Variants in ELAPOR1 observed in about 807,000 individuals in gnomAD.
ELAPOR1 encodes endosome-lysosome associated apoptosis and autophagy regulator 1, also known as endosome/lysosome-associated apoptosis and autophagy regulator 1.
A neutral mutation model predicts 119.7 loss-of-function variants in ELAPOR1; 77 were observed. The observed-to-expected ratio is 0.64, with a 90% CI of 0.54 to 0.78. The LOEUF is 0.78. Ranked by LOEUF, ELAPOR1 falls within the 30% of genes least tolerant of loss-of-function variation. The pLI is 0.00. For synonymous variants in ELAPOR1, 481 were observed against 487.2 expected, an observed-to-expected ratio of 0.99 and a Z score of 0.17; for missense variants, 1,115 against 1,270.4, an observed-to-expected ratio of 0.88 and a Z score of 1.86.
intron 1 of ELAPOR1, among the ~76,000 whole-genome samples, chr1:109,148,227 C>T (rs1417047827): frequency 9.0e-6 from 1 of 111,256 alleles, no homozygotes; most frequent in Admixed American, 9.4e-5. Flanking sequence ...CAACCTCCGC[C>T]TCCCAGGTTC....
At position 109,197,972 on chromosome 1, in the gene ELAPOR1, T is replaced by G; in HGVS notation, c.2303-7T>G. 1 of 1,613,476 alleles carries G rather than the reference T, an allele frequency of 6.2e-7. No homozygotes were observed. The highest frequency in any genetic ancestry group is 8.5e-7 in the Non-Finnish European group (1 of 1,179,376). On this transcript the variant is annotated splice_region_variant and splice_polypyrimidine_tract_variant and intron_variant, in intron 16 of 21. Coordinates refer to ENST00000369939, the MANE Select transcript of ELAPOR1 (RefSeq NM_020775.5). ...GTGAGAACTAATTAGGAGCTCTAAT[T>G]TGGCAGGGGTGACAACAGATATGAC...
chr1:109,196,103 C>T (rs1653778456), intron 15 of ELAPOR1, among the ~76,000 whole-genome samples: 1 of 152,070 alleles, frequency 6.6e-6, no homozygotes, highest in Admixed American at 6.5e-5. Context: ...TTGCAGTGAG[C>T]CAAGATCATG....
intron 1 of ELAPOR1, among the ~76,000 whole-genome samples, chr1:109,123,129 C>T (rs1242286928): frequency 6.6e-6 from 1 of 152,138 alleles, no homozygotes; most frequent in Non-Finnish European, 1.5e-5. Context: ...AGCCAGATTA[C>T]CTAAAATGCT....
chr1:109,165,417 C>T (rs1223516235), intron 3 of ELAPOR1, among the ~76,000 whole-genome samples: 1 of 151,912 alleles, frequency 6.6e-6, no homozygotes, highest in Non-Finnish European at 1.5e-5. Context: ...AACCCCGTCT[C>T]TACTAAAAAT....
At chr1:109,129,080 G>A (rs17838306) in intron 1 of ELAPOR1, among the ~76,000 whole-genome samples, 3,761 of 152,034 alleles carry the variant, frequency 0.025, 140 homozygotes, top group African/African-American at 0.087. Flanking sequence ...TGGGTCATTT[G>A]TCATGTTTTT....
rs1654285098 is a variant in ELAPOR1, at chr1:109,203,164, G to A, written c.*152G>A. The A allele has an allele frequency of 5.0e-6, 3 of 601,298 alleles. No individual in the cohort carries two copies. Among genetic ancestry groups the A allele is most frequent in the Admixed American group, 3.4e-5 (1 of 29,714 alleles). The allele number at this position is 601,298 out of a possible 1,614,324, so 37.2% of individuals were successfully genotyped here. On this transcript the variant is annotated 3_prime_UTR_variant, in exon 22 of 22. Transcript: ENST00000369939. ...TTTGAATTTCAGATCTTTTTTTATAGAGTACCCAAACCCTCCTTTCTGCTT... is the reference window on the plus strand; with the variant it reads ...TTTGAATTTCAGATCTTTTTTTATAAAGTACCCAAACCCTCCTTTCTGCTT...
chr1:109,194,571 AC>A lies in ELAPOR1; in HGVS notation c.2101del (p.Leu701SerfsTer48), dbSNP rs1653665342. On this transcript the variant is annotated frameshift_variant, in exon 15 of 22. Transcript: ENST00000369939. LOFTEE classifies it high-confidence loss of function. The part of the protein sequence containing the change: ...SKGLKYFHHF[T>X]LSLCGNQGRK... ...AGGGCTGAAATACTTCCATCACTTT[AC>A]CCTCAGTCTCTGTGGAAACCAGGTA... 1 of 1,613,770 alleles carries A rather than the reference AC, an allele frequency of 6.2e-7. No homozygotes were observed. The highest frequency in any genetic ancestry group is 1.7e-5 in the Admixed American group (1 of 59,998).
intron 3 of ELAPOR1, among the ~76,000 whole-genome samples, chr1:109,166,065 G>A (rs1346436334): frequency 4.6e-5 from 7 of 151,930 alleles, no homozygotes; most frequent in Non-Finnish European, 7.4e-5. Context: ...GCAGGCACCC[G>A]CCACCACGCC....
At chr1:109,199,021 C>G (rs1654001779) in intron 18 of ELAPOR1, among the ~76,000 whole-genome samples, 1 of 152,112 alleles carries the variant, frequency 6.6e-6, no homozygotes, top group Admixed American at 6.5e-5. Context: ...TTTTCCATAT[C>G]TGTAAAAATG....
intron 14 of ELAPOR1, among the ~76,000 whole-genome samples, chr1:109,193,642 A>T (rs1317629031): frequency 6.6e-6 from 1 of 152,270 alleles, no homozygotes; most frequent in Non-Finnish European, 1.5e-5. Context: ...AAAAGCTTTT[A>T]GATATTAATC....
chr1:109,180,119 G>A (rs1652603284), intron 7 of ELAPOR1, among the ~76,000 whole-genome samples: 1 of 152,156 alleles, frequency 6.6e-6, no homozygotes, highest in South Asian at 2.1e-4. Flanking sequence ...AAGGACAAAA[G>A]CCTGACTAAA....
intron 14 of ELAPOR1, 73 bp downstream of exon 14, chr1:109,192,947 G>A: frequency 3.2e-6 from 5 of 1,538,998 alleles, no homozygotes; most frequent in Middle Eastern, 2.3e-4. Context: ...TGGGTCCTGG[G>A]TAGGGTTCTT....
intron 1 of ELAPOR1, among the ~76,000 whole-genome samples, chr1:109,149,181 A>C (rs1330793382): frequency 6.6e-6 from 1 of 152,134 alleles, no homozygotes; most frequent in African/African-American, 2.4e-5. Flanking sequence ...GAAACTGAGG[A>C]GGGGCTAACT....
At chr1:109,188,055 C>G in intron 8 of ELAPOR1, 122 bp from the exon 9 acceptor site, 2 of 1,453,466 alleles carry the variant, frequency 1.4e-6, no homozygotes, top group Non-Finnish European at 1.8e-6. Context: ...TTCCCCACCC[C>G]AGAGGAGCTC....
intron 1 of ELAPOR1, among the ~76,000 whole-genome samples, chr1:109,149,697 AT>A (rs1650411574): frequency 6.6e-6 from 1 of 152,196 alleles, no homozygotes; most frequent in Non-Finnish European, 1.5e-5. Flanking sequence ...AGACACTTAC[AT>A]TTGATCTGGA....
intron 1 of ELAPOR1, among the ~76,000 whole-genome samples, chr1:109,132,411 G>T (rs1416256661): frequency 6.6e-6 from 1 of 152,182 alleles, no homozygotes; most frequent in Non-Finnish European, 1.5e-5. Context: ...CTCCCAAAGT[G>T]CTGGGACTAC....
chr1:109,175,387 C>T (rs1437212444), intron 7 of ELAPOR1, among the ~76,000 whole-genome samples: 6 of 146,780 alleles, frequency 4.1e-5, no homozygotes, highest in Admixed American at 1.4e-4. Flanking sequence ...TTTTTAGTAG[C>T]GACAGGGTTT....
chr1:109,192,669 T>C lies in ELAPOR1; in HGVS notation c.1742T>C (p.Met581Thr). The change falls in exon 14 of 22, where the codon ATG becomes ACG. Residue 581 changes from methionine (M) to threonine (T), a missense_variant. Coordinates refer to ENST00000369939, the MANE Select transcript of ELAPOR1 (RefSeq NM_020775.5). ...TACTCCATCAATGTCACCAATGTTA[T>C]GAATGGTGTGGCCTCCTACTGCCGT... ...KIYSINVTNVMNGVASYCRPC... is the reference protein window; with the variant it reads ...KIYSINVTNVTNGVASYCRPC... 6.2e-7 allele frequency: 1 copy of C among 1,614,170 alleles called. No individual in the cohort carries two copies. The highest frequency in any genetic ancestry group is 8.5e-7 in the Non-Finnish European group (1 of 1,180,018).
At chr1:109,197,305 A>G (rs576204209) in intron 15 of ELAPOR1, among the ~76,000 whole-genome samples, 169 bp from the exon 16 acceptor site, 1 of 152,296 alleles carries the variant, frequency 6.6e-6, no homozygotes. Context: ...AAAACAAAAC[A>G]AAAAAATCAA....
Sources: allele counts gnomAD v4.1 joint callset (sites outside exome capture counted in the v4.1 genomes callset), GRCh38; gene constraint gnomAD v4.1.1; transcripts MANE v1.5; gene names NCBI Gene and HGNC (gene_info 2026-07-23, HGNC 2026-07-21).